TOM1: variants seen among roughly 807,000 people sequenced by gnomAD.
TOM1 encodes the protein target of Myb protein 1.
Under a neutral mutation model 61.3 loss-of-function variants are expected in TOM1, and 38 were observed. The observed-to-expected ratio is 0.62, with a 90% CI of 0.48 to 0.81. The LOEUF is 0.81. Ranked by LOEUF, TOM1 falls within the 40% of genes least tolerant of loss-of-function variation. TOM1 has a pLI of 0.00. For missense variants in TOM1, 591 were observed against 659.6 expected (o/e 0.90, Z 1.14); for synonymous variants, 270 against 268.8 (o/e 1.00, Z -0.04).
intron 7 of TOM1, among the ~76,000 whole-genome samples, chr22:35,328,796 A>G (rs1292512883): frequency 6.6e-6 from 1 of 152,210 alleles, no homozygotes; most frequent in Non-Finnish European, 1.5e-5. Context: ...TCCAGGAGAA[A>G]GGCGTGCTGG....
chr22:35,345,779 G>C lies in TOM1; in HGVS notation c.1279G>C (p.Asp427His), dbSNP rs1397751031. The C allele has an allele frequency of 3.7e-6, 6 of 1,613,916 alleles. No individual in the cohort carries two copies. In the African/African-American group the frequency reaches 8.0e-5, roughly 22 times the overall value. ...GGACATCGAGCAGTGGCTGTCCACT[G>C]ACGTGGTATGTTGGGGCCCACTCCT... ...MEDIEQWLSTDVGNDAEEPKG... is the reference protein window; with the variant it reads ...MEDIEQWLSTHVGNDAEEPKG... The change falls in exon 13 of 15, where the codon GAC becomes CAC. Residue 427 changes from aspartate (D) to histidine (H), a missense_variant. Asp to His is a moderately conservative substitution (Grantham distance 81, BLOSUM62 -1). Coordinates refer to ENST00000449058, the MANE Select transcript of TOM1 (RefSeq NM_005488.3).
chr22:35,303,020 A>G (rs1457104626), intron 1 of TOM1, among the ~76,000 whole-genome samples: 2 of 151,980 alleles, frequency 1.3e-5, no homozygotes, highest in Admixed American at 1.3e-4. Context: ...TTGATAGTAG[A>G]GCTGTAGAGC....
At chr22:35,310,907 C>A (rs1042779357) in intron 1 of TOM1, among the ~76,000 whole-genome samples, 1 of 152,188 alleles carries the variant, frequency 6.6e-6, no homozygotes, top group African/African-American at 2.4e-5. Flanking sequence ...GAGTTGTGGT[C>A]TGTGGAAAAT....
At chr22:35,340,151 C>T (rs1428862212) in intron 12 of TOM1, among the ~76,000 whole-genome samples, 1 of 152,208 alleles carries the variant, frequency 6.6e-6, no homozygotes, top group Non-Finnish European at 1.5e-5. Flanking sequence ...GCAGACAGAG[C>T]AGGTCCCATG....
intron 1 of TOM1, among the ~76,000 whole-genome samples, chr22:35,300,611 A>G (rs1304920424): frequency 1.3e-5 from 2 of 151,976 alleles, no homozygotes; most frequent in African/African-American, 4.8e-5. Flanking sequence ...TGGTCGGACA[A>G]ACCCTCCTGG....
intron 1 of TOM1, among the ~76,000 whole-genome samples, chr22:35,302,052 A>T (rs1310216799): frequency 2.0e-5 from 3 of 152,228 alleles, no homozygotes; most frequent in African/African-American, 7.2e-5. Flanking sequence ...ATCAAAGCAA[A>T]CTTCTCTTCT....
rs139041856 is a variant in TOM1, at chr22:35,327,323, T to C, written c.701T>C (p.Met234Thr). 1 of 1,613,908 alleles carries C rather than the reference T, an allele frequency of 6.2e-7. No individual in the cohort carries two copies. The highest frequency in any genetic ancestry group is 1.3e-5 in the African/African-American group (1 of 74,892). ...ATGGTGAGTGGGAACGTGAGGGTGA[T>C]GTCGGAGATGCTGACGGAGCTGGTG... The part of the protein sequence containing the change: ...LEMVSGNVRV[M>T]SEMLTELVPT... The change falls in exon 7 of 15, where the codon ATG becomes ACG. Residue 234 changes from methionine to threonine, a missense_variant. Met to Thr is a moderately conservative substitution (Grantham distance 81). Transcript: ENST00000449058.
chr22:35,301,048 CAAAA>C lies in TOM1; in HGVS notation c.52+1086_52+1089del, dbSNP rs139553640. 5.9e-3 allele frequency among the ~76,000 whole-genome samples: 659 copies of C among 111,196 alleles called. 3 individuals are homozygous for C. The highest frequency in any genetic ancestry group is 0.011 in the South Asian group (42 of 3,714). The allele number at this position is 111,196 out of a possible 152,430, so 72.9% of individuals were successfully genotyped here. ...GCAACATGGCGAGACCCCGTCTCTA[CAAAA>C]AAAAAAAAAAAAAAAAATACAGAAA... On this transcript the variant is annotated intron_variant, in intron 1 of 14. Transcript: ENST00000449058.
rs965999320 is a variant in TOM1, at chr22:35,334,745, C to T, written c.1148+297C>T. Among the ~76,000 whole-genome samples the T allele has an allele frequency of 3.9e-5, 6 of 152,298 alleles. No homozygotes were observed. In the South Asian group the frequency reaches 6.2e-4, roughly 16 times the overall value. ...ACTGAGGCACAGAGAGGGGCAGGCT[C>T]ATTTGCCCCAGGTCAAGGAGCTAAT... On this transcript the variant is annotated intron_variant, in intron 11 of 14. Coordinates refer to ENST00000449058, the MANE Select transcript of TOM1 (RefSeq NM_005488.3).
At chr22:35,326,937 C>T (rs919491755) in intron 6 of TOM1, among the ~76,000 whole-genome samples, 7 of 152,220 alleles carry the variant, frequency 4.6e-5, no homozygotes, top group Non-Finnish European at 7.4e-5. Context: ...GCGTCCCTCC[C>T]CGCCTTGTGG....
At chr22:35,330,108 T>C (rs574649756) in intron 7 of TOM1, among the ~76,000 whole-genome samples, 2 of 150,636 alleles carry the variant, frequency 1.3e-5, no homozygotes, top group Admixed American at 6.6e-5. Context: ...CGAAACCCCG[T>C]CTCTACTAAA....
At chr22:35,327,596 C>T (rs1018280548) in intron 7 of TOM1, among the ~76,000 whole-genome samples, 3 of 152,214 alleles carry the variant, frequency 2.0e-5, no homozygotes, top group African/African-American at 4.8e-5. Flanking sequence ...AAAGTAGCCC[C>T]CCTGGCCTCA....
rs1387662358 is a variant in TOM1, at chr22:35,330,388, G to A, written c.807G>A (p.Leu269=). The change falls in exon 8 of 15, where the codon CTG becomes CTA. Residue 269 remains leucine (L), a synonymous_variant. Transcript: ENST00000449058. ...GCCGAGCCATGCAGCAGCGGGTCCT[G>A]GAGCTCATCCCTCAGATCGCCAATG... ...RTCRAMQQRV[L]ELIPQIANEQ... 1.9e-6 allele frequency: 3 copies of A among 1,613,570 alleles called. No homozygotes were observed. The East Asian group carries it at 6.7e-5, about 36-fold the overall frequency.
intron 1 of TOM1, among the ~76,000 whole-genome samples, chr22:35,316,458 G>A (rs1266673986): frequency 6.6e-6 from 1 of 152,214 alleles, no homozygotes. Flanking sequence ...GTTTACAAAG[G>A]TGCTGGCATT....
rs1419379332 is a variant in TOM1, at chr22:35,317,987, G to A, written c.137+26G>A. 6.9e-6 allele frequency: 11 copies of A among 1,597,584 alleles called. No individual in the cohort carries two copies. The Middle Eastern group carries it at 1.2e-3, about 168-fold the overall frequency. ...GTAAGGGCCCCCCAAGGAGAGGTTG[G>A]GGGCAGAGACGGCCATCCCACCACG... On this transcript the variant is annotated intron_variant, in intron 2 of 14. Coordinates refer to ENST00000449058, the MANE Select transcript of TOM1 (RefSeq NM_005488.3).
chr22:35,310,750 C>T (rs1926749627), intron 1 of TOM1, among the ~76,000 whole-genome samples: 1 of 152,206 alleles, frequency 6.6e-6, no homozygotes, highest in Non-Finnish European at 1.5e-5. Context: ...TATCATGGCC[C>T]AGGTCCCATC....
At position 35,323,425 on chromosome 22, in the gene TOM1, G is replaced by T; in HGVS notation, c.367-71G>T. 1 of 1,541,378 alleles carries T rather than the reference G, an allele frequency of 6.5e-7. No homozygotes were observed. Among genetic ancestry groups the T allele is most frequent in the African/African-American group, 1.4e-5 (1 of 72,972 alleles). On this transcript the variant is annotated intron_variant, in intron 4 of 14. Transcript: ENST00000449058. This position sits in a 1 kb window ranked among gnomAD's most constrained non-coding sequence, Gnocchi z 4.2. ...AGCAGGGAAAGAATGTCTGTTCTCT[G>T]TCTGAGTGCCAGGTGGGCAGGCTCA...
At chr22:35,320,144 A>G (rs1927641179) in intron 2 of TOM1, among the ~76,000 whole-genome samples, 1 of 151,824 alleles carries the variant, frequency 6.6e-6, no homozygotes, top group Non-Finnish European at 1.5e-5. Context: ...CCCTCTAGCA[A>G]GCTTCTTCTC....
intron 6 of TOM1, among the ~76,000 whole-genome samples, chr22:35,325,178 C>T (rs1404127725): frequency 6.6e-6 from 1 of 152,196 alleles, no homozygotes; most frequent in Non-Finnish European, 1.5e-5. Context: ...ATCCGCGGAG[C>T]GTAAAGGTGG....
Sources: gnomAD v4.1 joint callset for allele counts (sites outside exome capture counted in the v4.1 genomes callset) on GRCh38, gnomAD v4.1.1 for gene constraint, Gnocchi (gnomAD v3.1) non-coding constraint, MANE v1.5 for transcripts, NCBI Gene and HGNC (gene_info 2026-07-23, HGNC 2026-07-21) for gene names.